Variants in ASPH observed in about 807,000 individuals in gnomAD.
ASPH encodes the protein aspartate beta-hydroxylase.
ASPH carries 100 observed loss-of-function variants against 118.4 expected under a neutral mutation model. The ratio of observed to expected loss-of-function variants is 0.84; its 90% CI spans 0.72 to 1.00. The LOEUF (loss-of-function observed/expected upper bound fraction) is 1.00. Ranked by LOEUF, ASPH falls within the 50% of genes least tolerant of loss-of-function variation. ASPH has a pLI of 0.00. For missense variants in ASPH, 920 were observed against 919.5 expected, an observed-to-expected ratio of 1.00 and a Z score of -0.01; for synonymous variants, 315 against 325.6, an observed-to-expected ratio of 0.97 and a Z score of 0.35.
At chr8:61,579,565 C>T in intron 15 of ASPH, 2 of 1,521,330 alleles carry the variant, frequency 1.3e-6, no homozygotes, top group South Asian at 2.2e-5. Context: ...GGCGCAGGCT[C>T]CAGCTCCCTC....
intron 14 of ASPH, among the ~76,000 whole-genome samples, chr8:61,608,884 G>A (rs1846416215): frequency 6.6e-6 from 1 of 152,176 alleles, no homozygotes; most frequent in African/African-American, 2.4e-5. Context: ...TGCTCTCACT[G>A]TGCCTGGCCA....
intron 3 of ASPH, chr8:61,675,599 T>G: frequency 1.0e-6 from 1 of 979,508 alleles, no homozygotes; most frequent in Middle Eastern, 5.3e-4. Flanking sequence ...AACCATCATT[T>G]TATACATCAG....
At chr8:61,636,953 G>A (rs975828694) in intron 12 of ASPH, among the ~76,000 whole-genome samples, 5 of 152,080 alleles carry the variant, frequency 3.3e-5, no homozygotes, top group Non-Finnish European at 7.4e-5. Flanking sequence ...GGGGTCTCTC[G>A]CAGCAGCTAA....
At chr8:61,682,355 T>C (rs1828510140) in intron 2 of ASPH, 1 of 1,382,522 alleles carries the variant, frequency 7.2e-7, no homozygotes, top group South Asian at 1.2e-5. Context: ...TATTCTGATG[T>C]AGATAATAAT....
chr8:61,555,091 T>C (rs922668007), intron 19 of ASPH, among the ~76,000 whole-genome samples: 1 of 152,024 alleles, frequency 6.6e-6, no homozygotes, highest in African/African-American at 2.4e-5. Context: ...TTTAATTAGA[T>C]ATGAGAAAAA....
chr8:61,662,018 C>T (rs183119660), intron 3 of ASPH: 55 of 366,936 alleles, frequency 1.5e-4, no homozygotes, highest in African/African-American at 8.5e-4. Context: ...CATTCACATA[C>T]GAAGCCATTA....
At chr8:61,504,333 A>T (rs1323371723) in intron 24 of ASPH, among the ~76,000 whole-genome samples, 1 of 152,230 alleles carries the variant, frequency 6.6e-6, no homozygotes, top group Non-Finnish European at 1.5e-5. Context: ...TTAAAATAAA[A>T]TTTTTGCTAG....
chr8:61,714,324 G>A lies in ASPH; in HGVS notation c.48C>T (p.Ser16=). 1.3e-6 allele frequency: 2 copies of A among 1,513,960 alleles called. No homozygotes were observed. Among genetic ancestry groups the A allele is most frequent in the Admixed American group, 2.1e-5 (1 of 47,080 alleles). 93.8% of individuals were successfully genotyped at this position (1,513,960 alleles called of 1,614,324 possible). ...CACTCGTGCTACCGCTGCCGGAGCC[G>A]CTGCTGCTGCTGTTGCCGCTGCTCT... ...NAKSSGNSSS[S]GSGSGSTSAG... Residue 16 remains serine, a synonymous_variant, in exon 1 of 25, where the codon AGC becomes AGT. Transcript: ENST00000379454.
intron 3 of ASPH, chr8:61,675,667 A>G (rs1824899896): frequency 1.0e-6 from 1 of 985,510 alleles, no homozygotes; most frequent in South Asian, 4.7e-5. Context: ...ATATTTTTAT[A>G]ATGAAATCCA....
intron 14 of ASPH, among the ~76,000 whole-genome samples, chr8:61,587,400 G>C: frequency 6.6e-6 from 1 of 152,176 alleles, no homozygotes; most frequent in East Asian, 1.9e-4. Flanking sequence ...TGCTTTTGTA[G>C]AAGTGTCTAT....
chr8:61,680,168 GGTCATTATTTTAT>G (rs1489849580), intron 3 of ASPH, among the ~76,000 whole-genome samples: 1 of 151,384 alleles, frequency 6.6e-6, no homozygotes, highest in Non-Finnish European at 1.5e-5. Flanking sequence ...AATTTGTTTG[GGTCATTATTTTAT>G]AAGCTTAGTG....
At chr8:61,582,747 T>C (rs1837973615) in intron 15 of ASPH, among the ~76,000 whole-genome samples, 1 of 152,218 alleles carries the variant, frequency 6.6e-6, no homozygotes, top group Non-Finnish European at 1.5e-5. Flanking sequence ...ACCAGTGTTT[T>C]TATTGTTGTT....
intron 14 of ASPH, among the ~76,000 whole-genome samples, chr8:61,614,869 A>C (rs1402343349): frequency 6.6e-6 from 1 of 152,174 alleles, no homozygotes; most frequent in East Asian, 1.9e-4. Context: ...AAATATATGT[A>C]GAATCTAACC....
intron 22 of ASPH, among the ~76,000 whole-genome samples, chr8:61,520,322 G>A (rs2129620112): frequency 6.6e-6 from 1 of 152,312 alleles, no homozygotes; most frequent in African/African-American, 2.4e-5. Context: ...TTAAAAGTCA[G>A]AGACATTTTA....
At chr8:61,664,096 T>C in intron 3 of ASPH, 1 of 975,808 alleles carries the variant, frequency 1.0e-6, no homozygotes, top group Non-Finnish European at 1.2e-6. Context: ...CATTATCAAC[T>C]AACTGCATTT....
chr8:61,529,335 G>C (rs1429719927), intron 21 of ASPH, among the ~76,000 whole-genome samples: 4 of 152,200 alleles, frequency 2.6e-5, no homozygotes, highest in African/African-American at 9.6e-5. Flanking sequence ...CTGGTCAGGA[G>C]CACTTGCAAG....
In ASPH at chr8:61,625,024, C is replaced by A. The variant is rs990467577; in HGVS notation, c.935-6005G>T. ...ATATAGAAGTATCTTTGATTTTAAT[C>A]CTAAAAGCAGGGGGAAAAAGTCACC... On this transcript the variant is annotated intron_variant, in intron 13 of 24. Transcript: ENST00000379454. 44 of 985,328 alleles carry A rather than the reference C, an allele frequency of 4.5e-5. No individual in the cohort carries two copies. The African/African-American group carries it at 7.7e-4, about 17-fold the overall frequency. 61.0% of individuals were successfully genotyped at this position (985,328 alleles called of 1,614,324 possible).
At chr8:61,704,517 AAAAT>A (rs1836094032) in intron 1 of ASPH, among the ~76,000 whole-genome samples, 1 of 152,064 alleles carries the variant, frequency 6.6e-6, no homozygotes, top group African/African-American at 2.4e-5. Flanking sequence ...CAGAAAAGAA[AAAAT>A]AAATATCAGC....
intron 3 of ASPH, chr8:61,660,044 GC>G (rs1815965452): frequency 6.6e-6 from 1 of 151,460 alleles, no homozygotes; most frequent in South Asian, 2.1e-4. Context: ...CAAGTTTGCT[GC>G]ATGGGTATAT....
Sources: gnomAD v4.1 joint callset for allele counts (sites outside exome capture counted in the v4.1 genomes callset) on GRCh38, gnomAD v4.1.1 for gene constraint, MANE v1.5 for transcripts, NCBI Gene and HGNC (gene_info 2026-07-23, HGNC 2026-07-21) for gene names.